The following SORCS1 variants were observed in gnomAD, a reference collection of about 807,000 sequenced individuals.
SORCS1 encodes the protein VPS10 domain-containing receptor SorCS1.
In SORCS1, 60 loss-of-function variants were observed where a neutral mutation model predicts 146.1. That is an observed-to-expected ratio of 0.41 (90% CI 0.33 to 0.51). The LOEUF (loss-of-function observed/expected upper bound fraction) is 0.51, where lower values mean the gene tolerates loss of function less well. Among genes scored for constraint, SORCS1 ranks in the 20% least tolerant of loss-of-function variants. SORCS1 has a pLI of 0.21. For missense variants in SORCS1, 1,352 were observed against 1,487.6 expected, an observed-to-expected ratio of 0.91 and a Z score of 1.50; for synonymous variants, 637 against 584.0, an observed-to-expected ratio of 1.09 and a Z score of -1.31.
intron 2 of SORCS1, among the ~76,000 whole-genome samples, chr10:106,873,646 G>C (rs1950497358): frequency 6.6e-6 from 1 of 152,032 alleles, no homozygotes; most frequent in Non-Finnish European, 1.5e-5. Flanking sequence ...CTGCTTTTTA[G>C]ATGCCTATTT....
rs1185419474 is a variant in SORCS1, at chr10:106,637,105, A to T, written c.2476-7717T>A. ...GTGTTTGACAAAGTCTGAGATGACTAATCAGGAAACAACTGTTGAAACTGT... is the reference window on the plus strand; with the variant it reads ...GTGTTTGACAAAGTCTGAGATGACTTATCAGGAAACAACTGTTGAAACTGT... On this transcript the variant is annotated intron_variant, in intron 18 of 25. Coordinates refer to ENST00000263054, the MANE Select transcript of SORCS1 (RefSeq NM_052918.5). 5.3e-5 allele frequency among the ~76,000 whole-genome samples: 8 copies of T among 152,348 alleles called. 2 individuals are homozygous for T. Among genetic ancestry groups the T allele is most frequent in the Admixed American group, 5.2e-4 (8 of 15,304 alleles).
rs71025561 is a variant in SORCS1 at position 106,832,181 on chromosome 10, C to CTTTTTTTTTT, written c.627-2518_627-2509dup. ...CCTAGCCCAGTCCACTTTGTTTTCG[C>CTTTTTTTTTT]TTTTTTTTTTTTTTTTTTCTTTTTT... On this transcript the variant is annotated intron_variant, in intron 2 of 25. Transcript: ENST00000263054. 1.2e-4 allele frequency among the ~76,000 whole-genome samples: 15 copies of CTTTTTTTTTT among 130,348 alleles called. 1 individual carries two copies. Among genetic ancestry groups the CTTTTTTTTTT allele is most frequent in the African/African-American group, 1.4e-4 (5 of 35,060 alleles). 85.5% of individuals were successfully genotyped at this position (130,348 alleles called of 152,430 possible).
At chr10:106,705,182 G>A (rs1854429793) in intron 8 of SORCS1, among the ~76,000 whole-genome samples, 1 of 152,094 alleles carries the variant, frequency 6.6e-6, no homozygotes, top group Admixed American at 6.5e-5. Context: ...TACAGTTCTG[G>A]ATAATTACCA....
chr10:106,579,165 C>CTGCTTTCAGAG, intron 25 of SORCS1: 1 of 1,614,132 alleles, frequency 6.2e-7, no homozygotes, highest in African/African-American at 1.3e-5. Context: ...GACATTGGGC[C>CTGCTTTCAGAG]TGCTTTCAGA....
intron 1 of SORCS1, among the ~76,000 whole-genome samples, chr10:106,956,956 C>G (rs1954973607): frequency 6.6e-6 from 1 of 152,148 alleles, no homozygotes; most frequent in Non-Finnish European, 1.5e-5. Flanking sequence ...TAGTTTCCAG[C>G]CCTAGTAGCT....
At chr10:107,179,904 CTTTTTTTTTTTTT>C in the SORCS1 span, among the ~76,000 whole-genome samples, 421 of 51,292 alleles carry the variant, frequency 8.2e-3, 1 homozygote, top group African/African-American at 0.033. Context: ...ACAAAACAGA[CTTTTTTTTTTTTT>C]TTTTTTTTTT....
intron 2 of SORCS1, among the ~76,000 whole-genome samples, chr10:106,841,124 G>T (rs1250520771): frequency 1.3e-5 from 2 of 151,944 alleles, no homozygotes; most frequent in African/African-American, 4.8e-5. Flanking sequence ...AAAGTGTTGG[G>T]ATTACAGGCA....
chr10:107,043,386 C>T (rs1240706134), intron 1 of SORCS1, among the ~76,000 whole-genome samples: 1 of 152,088 alleles, frequency 6.6e-6, no homozygotes, highest in Non-Finnish European at 1.5e-5. Context: ...GTTGATTCCG[C>T]CGTCTGAATG....
Position 106,618,395 on chromosome 10 carries a change from G to A in SORCS1, c.2797-123C>T, listed in dbSNP as rs1043091842. 2.4e-6 allele frequency: 3 copies of A among 1,236,978 alleles called. No homozygotes were observed. The Admixed American group carries it at 6.7e-5, about 27-fold the overall frequency. The allele number at this position is 1,236,978 out of a possible 1,614,324, so 76.6% of individuals were successfully genotyped here. A position where few individuals can be genotyped will look rare whatever the true frequency, so the allele number is the denominator to read the frequency against. ...GAGGCTCTTCCTGATGTACCACAAT[G>A]GCACTGAGTCCCTCTATGCCTCCCT... On this transcript the variant is annotated intron_variant, in intron 20 of 25. Transcript: ENST00000263054.
chr10:106,886,880 C>T (rs934131023), intron 2 of SORCS1, among the ~76,000 whole-genome samples: 4 of 152,126 alleles, frequency 2.6e-5, no homozygotes, highest in Admixed American at 2.6e-4. Flanking sequence ...CTTCAGCAAC[C>T]AGCAGTTATT....
At chr10:106,636,144 C>T (rs1391100350) in intron 18 of SORCS1, among the ~76,000 whole-genome samples, 2 of 151,970 alleles carry the variant, frequency 1.3e-5, no homozygotes, top group African/African-American at 4.8e-5. Context: ...ACTATAGTCT[C>T]AGCACTTCAC....
chr10:106,746,624 C>T (rs1857764139), intron 5 of SORCS1, among the ~76,000 whole-genome samples: 1 of 152,146 alleles, frequency 6.6e-6, no homozygotes, highest in South Asian at 2.1e-4. Context: ...GTTTTAGTGG[C>T]TCTTATTTCT....
chr10:106,616,596 C>T (rs908159179), intron 21 of SORCS1, among the ~76,000 whole-genome samples: 2 of 152,162 alleles, frequency 1.3e-5, no homozygotes, highest in African/African-American at 4.8e-5. Context: ...TTGGCCACCT[C>T]GTACCTTGCT....
chr10:106,971,902 C>A (rs1311513724), intron 1 of SORCS1, among the ~76,000 whole-genome samples: 3 of 152,144 alleles, frequency 2.0e-5, no homozygotes, highest in Admixed American at 2.0e-4. Flanking sequence ...AAAATCTCTT[C>A]TTCTGTGTAA....
chr10:106,970,408 T>G (rs1337159343), intron 1 of SORCS1, among the ~76,000 whole-genome samples: 2 of 140,726 alleles, frequency 1.4e-5, no homozygotes, highest in Non-Finnish European at 3.0e-5. Context: ...GCGTGATCCC[T>G]GCCCACTGCA....
intron 1 of SORCS1, among the ~76,000 whole-genome samples, chr10:107,062,691 C>T (rs534062402): frequency 3.9e-5 from 6 of 152,094 alleles, no homozygotes; most frequent in Non-Finnish European, 8.8e-5. Context: ...TATTGTGATC[C>T]GATTTGCAAA....
chr10:107,088,043 C>A (rs1373020748), intron 1 of SORCS1, among the ~76,000 whole-genome samples: 1 of 152,108 alleles, frequency 6.6e-6, no homozygotes. Context: ...CTCAGCCTCC[C>A]GAGTAGCTGG....
intron 1 of SORCS1, among the ~76,000 whole-genome samples, chr10:106,962,802 T>A (rs1479935119): frequency 1.3e-5 from 2 of 152,194 alleles, no homozygotes; most frequent in African/African-American, 4.8e-5. Flanking sequence ...TAGTCTGGCT[T>A]GGGTGAGCAA....
the SORCS1 span, among the ~76,000 whole-genome samples, chr10:107,179,074 C>T: frequency 6.6e-6 from 1 of 152,072 alleles, no homozygotes; most frequent in Non-Finnish European, 1.5e-5. Context: ...ACTTTACATC[C>T]CACCTACAGC....
Sources: allele counts gnomAD v4.1 joint callset (sites outside exome capture counted in the v4.1 genomes callset), GRCh38; gene constraint gnomAD v4.1.1; transcripts MANE v1.5; gene names NCBI Gene and HGNC (gene_info 2026-07-23, HGNC 2026-07-21).